The following SLC36A1 variants were observed in gnomAD, a reference collection of about 807,000 sequenced individuals.
The protein encoded by SLC36A1 is proton-coupled amino acid transporter 1.
A neutral mutation model predicts 47.5 loss-of-function variants in SLC36A1; 30 were observed. The observed-to-expected ratio is 0.63, with a 90% CI of 0.47 to 0.86. The LOEUF (loss-of-function observed/expected upper bound fraction) is 0.86. SLC36A1 is among the 40% of genes least tolerant of loss of function. The pLI is 0.00. For synonymous variants in SLC36A1, 255 were observed against 249.7 expected (o/e 1.02, Z -0.20); for missense variants, 517 against 606.0 (o/e 0.85, Z 1.54).
chr5:151,400,638 C>T, the SLC36A1 span, among the ~76,000 whole-genome samples: 5 of 152,102 alleles, frequency 3.3e-5, no homozygotes, highest in Non-Finnish European at 7.4e-5. Flanking sequence ...GTATAAGTAT[C>T]CCCTTTTCTC....
chr5:151,385,653 C>T, the SLC36A1 span, among the ~76,000 whole-genome samples: 1 of 152,044 alleles, frequency 6.6e-6, no homozygotes, highest in Non-Finnish European at 1.5e-5. Context: ...CCTTTCACAG[C>T]CCCTTTTGCC....
the SLC36A1 span, chr5:151,425,255 G>A: frequency 9.5e-4 from 145 of 152,382 alleles, 1 homozygote; most frequent in Middle Eastern, 6.8e-3. Context: ...CACATTCCAC[G>A]CCCCGGCGCC....
At chr5:151,356,006 T>C in the SLC36A1 span, among the ~76,000 whole-genome samples, 2 of 152,226 alleles carry the variant, frequency 1.3e-5, no homozygotes, top group African/African-American at 4.8e-5. Flanking sequence ...TTTAAAGGCA[T>C]ATTTAAAAAT....
In SLC36A1 at chr5:151,491,927, A is replaced by G. The variant is rs369116359; in HGVS notation, c.*3673A>G. On this transcript the variant is annotated 3_prime_UTR_variant, in exon 11 of 11. Transcript: ENST00000243389. ...AGTAAGTCCGGCTGGTTGCAGGGCT[A>G]TTTGCCCCGACAGCATCAGCCTGTA... 3 of 152,168 alleles carry G rather than the reference A, an allele frequency of 2.0e-5. No individual in the cohort carries two copies. Among genetic ancestry groups the G allele is most frequent in the East Asian group, 1.9e-4 (1 of 5,200 alleles). 9.4% of individuals were successfully genotyped at this position (152,168 alleles called of 1,614,324 possible).
At chr5:151,545,614 A>T in the SLC36A1 span, 1 of 1,614,004 alleles carries the variant, frequency 6.2e-7, no homozygotes, top group Non-Finnish European at 8.5e-7. Context: ...ATAGACACAG[A>T]ATTGGAAAGA....
chr5:151,532,903 T>C, the SLC36A1 span, among the ~76,000 whole-genome samples: 1 of 152,212 alleles, frequency 6.6e-6, no homozygotes, highest in South Asian at 2.1e-4. Flanking sequence ...CTGAGAAGAG[T>C]TGAATTTATA....
At chr5:151,507,387 G>C in the SLC36A1 span, 1 of 1,614,176 alleles carries the variant, frequency 6.2e-7, no homozygotes, top group Non-Finnish European at 8.5e-7. Context: ...CATGGCTTGG[G>C]TGTCAACACC....
chr5:151,381,236 A>G, the SLC36A1 span: 2 of 307,808 alleles, frequency 6.5e-6, no homozygotes, highest in Non-Finnish European at 6.5e-6. Flanking sequence ...GAGCCTCATC[A>G]TGGCTCCTAT....
chr5:151,384,711 A>C, the SLC36A1 span, among the ~76,000 whole-genome samples: 1 of 152,166 alleles, frequency 6.6e-6, no homozygotes, highest in Admixed American at 6.6e-5. Context: ...TCGGGCACTC[A>C]CTATACTCTT....
the SLC36A1 span, chr5:151,553,291 C>T: frequency 2.0e-5 from 33 of 1,614,136 alleles, no homozygotes; most frequent in South Asian, 3.4e-4. Context: ...TCATCAAAGG[C>T]CAGAGGGATG....
At chr5:151,549,589 G>T in the SLC36A1 span, 2 of 1,154,702 alleles carry the variant, frequency 1.7e-6, no homozygotes, top group Non-Finnish European at 2.5e-6. Context: ...GAACTAGAAT[G>T]CCAATTTAAA....
At chr5:151,522,571 G>A in the SLC36A1 span, among the ~76,000 whole-genome samples, 2 of 152,204 alleles carry the variant, frequency 1.3e-5, no homozygotes, top group Non-Finnish European at 2.9e-5. Flanking sequence ...GTCAGTCAAC[G>A]AAGTCTTCTG....
At chr5:151,369,122 A>G in the SLC36A1 span, among the ~76,000 whole-genome samples, 1 of 152,222 alleles carries the variant, frequency 6.6e-6, no homozygotes, top group Admixed American at 6.5e-5. Flanking sequence ...AAATCCCTGA[A>G]GTTTTCTAAA....
the SLC36A1 span, chr5:151,528,168 C>G: frequency 3.1e-6 from 5 of 1,608,316 alleles, no homozygotes; most frequent in East Asian, 1.1e-4. Flanking sequence ...AATGGAGGGA[C>G]AGGAATCTTG....
At chr5:151,359,959 C>G in the SLC36A1 span, among the ~76,000 whole-genome samples, 6 of 152,030 alleles carry the variant, frequency 3.9e-5, no homozygotes, top group African/African-American at 1.4e-4. Context: ...TAGTTTTGGC[C>G]TATTATGAGT....
At chr5:151,549,741 A>G in the SLC36A1 span, among the ~76,000 whole-genome samples, 1 of 152,216 alleles carries the variant, frequency 6.6e-6, no homozygotes, top group African/African-American at 2.4e-5. Flanking sequence ...TTTAGGAGAA[A>G]GACAGAAATA....
chr5:151,369,860 T>A, the SLC36A1 span, among the ~76,000 whole-genome samples: 1 of 152,020 alleles, frequency 6.6e-6, no homozygotes, highest in Non-Finnish European at 1.5e-5. Flanking sequence ...AGTGGTGCGA[T>A]CTCAGCTCAC....
At chr5:151,532,694 GT>G in the SLC36A1 span, among the ~76,000 whole-genome samples, 13,553 of 152,190 alleles carry the variant, frequency 0.089, 880 homozygotes, top group Admixed American at 0.21. Flanking sequence ...CTCCAGCTTT[GT>G]CTCCAATTCT....
At chr5:151,522,215 T>C in the SLC36A1 span, 1 of 672,746 alleles carries the variant, frequency 1.5e-6, no homozygotes, top group Non-Finnish European at 2.4e-6. Context: ...GCTCAGCGCA[T>C]TGTTGCATTT....
Sources: allele counts gnomAD v4.1 joint callset (sites outside exome capture counted in the v4.1 genomes callset), GRCh38; gene constraint gnomAD v4.1.1; transcripts MANE v1.5; gene names NCBI Gene and HGNC (gene_info 2026-07-23, HGNC 2026-07-21).